The following CNTN4 variants were observed in gnomAD, a reference collection of about 807,000 sequenced individuals.
CNTN4 encodes contactin-4.
In CNTN4, 77 loss-of-function variants were observed where a neutral mutation model predicts 122.5. That is an observed-to-expected ratio of 0.63 (90% CI 0.52 to 0.76). The LOEUF (loss-of-function observed/expected upper bound fraction) is 0.76. CNTN4 is among the 30% of genes least tolerant of loss of function. The pLI is 0.00. For synonymous variants in CNTN4, 512 were observed against 447.0 expected, an observed-to-expected ratio of 1.15 and a Z score of -1.83; for missense variants, 1,256 against 1,259.1, an observed-to-expected ratio of 1.00 and a Z score of 0.04.
intron 6 of CNTN4, among the ~76,000 whole-genome samples, 170 bp downstream of exon 6, chr3:2,745,867 A>C (rs2089722843): frequency 6.6e-6 from 1 of 152,210 alleles, no homozygotes; most frequent in Non-Finnish European, 1.5e-5. Flanking sequence ...ATAAACTGTA[A>C]ATCTAAGTGA....
intron 2 of CNTN4, among the ~76,000 whole-genome samples, chr3:2,222,503 A>C (rs2039098796): frequency 6.6e-6 from 1 of 152,130 alleles, no homozygotes; most frequent in South Asian, 2.1e-4. Flanking sequence ...GGAAAGTACT[A>C]AAAACCATTG....
intron 3 of CNTN4, among the ~76,000 whole-genome samples, chr3:2,352,717 C>T (rs1334650296): frequency 6.6e-6 from 1 of 152,232 alleles, no homozygotes; most frequent in Non-Finnish European, 1.5e-5. Context: ...CAGGTGCCAC[C>T]CCCTGCTCTG....
chr3:2,282,345 A>G lies in CNTN4; in HGVS notation c.-144-56833A>G, dbSNP rs531704644. Among the ~76,000 whole-genome samples the G allele has an allele frequency of 9.9e-5, 15 of 152,214 alleles. No individual in the cohort carries two copies. In the East Asian group the frequency reaches 2.9e-3, roughly 29 times the overall value. ...CATCTTCCTTAAAATAAGCATATAT[A>G]AATGACCTTTAATGTATACAGCATG... On this transcript the variant is annotated intron_variant, in intron 2 of 24. Transcript: ENST00000418658.
intron 6 of CNTN4, among the ~76,000 whole-genome samples, chr3:2,764,133 G>C (rs1439330272): frequency 6.6e-6 from 1 of 152,050 alleles, no homozygotes; most frequent in African/African-American, 2.4e-5. Flanking sequence ...CTCTGTGCTG[G>C]GCAGATAAAC....
rs575970780 is a variant in CNTN4, at chr3:2,438,053, C to G, written c.-89+98820C>G. On this transcript the variant is annotated intron_variant, in intron 3 of 24. Coordinates refer to ENST00000418658, the MANE Select transcript of CNTN4 (RefSeq NM_175607.3). ...GCCAGAGTGGTTTTGCCTACCTTACCTTCTAATTTTTTAATTCCACTTCTT... is the reference window on the plus strand; with the variant it reads ...GCCAGAGTGGTTTTGCCTACCTTACGTTCTAATTTTTTAATTCCACTTCTT... Among the ~76,000 whole-genome samples the G allele has an allele frequency of 1.2e-4, 18 of 152,194 alleles. No individual in the cohort carries two copies. The South Asian group carries it at 3.7e-3, about 32-fold the overall frequency.
At chr3:3,009,806 G>T (rs73116671) in intron 14 of CNTN4, among the ~76,000 whole-genome samples, 1 of 152,164 alleles carries the variant, frequency 6.6e-6, no homozygotes, top group Non-Finnish European at 1.5e-5. Context: ...ACTCACAGTT[G>T]TTGGCCCATA....
intron 2 of CNTN4, among the ~76,000 whole-genome samples, chr3:2,314,123 C>G (rs2043010544): frequency 6.6e-6 from 1 of 151,854 alleles, no homozygotes; most frequent in African/African-American, 2.4e-5. Flanking sequence ...GTATAAAATT[C>G]ATATGAATTG....
intron 2 of CNTN4, among the ~76,000 whole-genome samples, chr3:2,298,125 T>A (rs1419208377): frequency 6.6e-6 from 1 of 152,214 alleles, no homozygotes; most frequent in African/African-American, 2.4e-5. Flanking sequence ...AACAATTAGG[T>A]TGATAAATGA....
chr3:2,150,855 A>G (rs1253032989), intron 2 of CNTN4, among the ~76,000 whole-genome samples: 1 of 152,110 alleles, frequency 6.6e-6, no homozygotes, highest in Non-Finnish European at 1.5e-5. Context: ...CCTTCAATGC[A>G]ATTACCATTT....
At chr3:2,628,283 A>G (rs751029006) in intron 4 of CNTN4, among the ~76,000 whole-genome samples, 7 of 152,278 alleles carry the variant, frequency 4.6e-5, no homozygotes, top group East Asian at 3.9e-4. Flanking sequence ...TGTGAAAGCA[A>G]TTGTGAGGCA....
intron 4 of CNTN4, among the ~76,000 whole-genome samples, chr3:2,624,146 T>C (rs2082093077): frequency 6.6e-6 from 1 of 152,234 alleles, no homozygotes; most frequent in African/African-American, 2.4e-5. Flanking sequence ...TTAAAAATAC[T>C]TTTAAAATTG....
intron 3 of CNTN4, among the ~76,000 whole-genome samples, chr3:2,340,685 T>TTATATATATATATACA (rs1406052646): frequency 6.8e-5 from 2 of 29,620 alleles, no homozygotes; most frequent in African/African-American, 1.5e-4. Context: ...GTCATAAATT[T>TTATATATATATATACA]TATATATATA....
intron 7 of CNTN4, among the ~76,000 whole-genome samples, chr3:2,836,243 G>A (rs1173933400): frequency 2.0e-5 from 3 of 152,166 alleles, no homozygotes; most frequent in African/African-American, 7.2e-5. Flanking sequence ...AAGTTCTCTG[G>A]TCTATACATT....
chr3:2,103,686 C>A (rs1230967966), intron 2 of CNTN4, among the ~76,000 whole-genome samples: 1 of 151,990 alleles, frequency 6.6e-6, no homozygotes, highest in Non-Finnish European at 1.5e-5. Context: ...AAACCCTCTT[C>A]TTTTCCTATG....
chr3:2,716,657 A>T (rs1277821847), intron 4 of CNTN4, among the ~76,000 whole-genome samples: 1 of 152,196 alleles, frequency 6.6e-6, no homozygotes, highest in African/African-American at 2.4e-5. Context: ...TAGTAGTTTT[A>T]AAATGTATAA....
intron 3 of CNTN4, among the ~76,000 whole-genome samples, chr3:2,461,531 G>GGTCTGA (rs1380688554): frequency 6.6e-6 from 1 of 152,032 alleles, no homozygotes; most frequent in Non-Finnish European, 1.5e-5. Flanking sequence ...CCACCCACGT[G>GGTCTGA]GTCTGATTCT....
chr3:2,812,570 TTG>T (rs67553883), intron 6 of CNTN4, among the ~76,000 whole-genome samples: 32,549 of 151,562 alleles, frequency 0.21, 3,661 homozygotes, highest in Non-Finnish European at 0.27. Flanking sequence ...TTGTTTTGTT[TTG>T]TTTTTTTGTT....
At chr3:2,427,642 T>C (rs2047892090) in intron 3 of CNTN4, among the ~76,000 whole-genome samples, 1 of 152,094 alleles carries the variant, frequency 6.6e-6, no homozygotes, top group South Asian at 2.1e-4. Context: ...ATTTTCTGCC[T>C]CATGGATCTG....
chr3:2,451,040 G>A (rs991694569), intron 3 of CNTN4, among the ~76,000 whole-genome samples: 5 of 152,132 alleles, frequency 3.3e-5, no homozygotes, highest in African/African-American at 9.7e-5. Context: ...GAGGTGGGAA[G>A]ACTACTCAAT....
Sources: allele counts gnomAD v4.1 joint callset (sites outside exome capture counted in the v4.1 genomes callset), GRCh38; gene constraint gnomAD v4.1.1; transcripts MANE v1.5; gene names NCBI Gene and HGNC (gene_info 2026-07-23, HGNC 2026-07-21).